The following RANBP2 variants were observed in gnomAD, a reference collection of about 807,000 sequenced individuals.
RANBP2 encodes E3 SUMO-protein ligase RanBP2.
Under a neutral mutation model 303.6 loss-of-function variants are expected in RANBP2, and 57 were observed. The ratio of observed to expected loss-of-function variants is 0.19; its 90% CI spans 0.15 to 0.23. The LOEUF (loss-of-function observed/expected upper bound fraction) is 0.23, where lower values mean the gene tolerates loss of function less well. Among genes scored for constraint, RANBP2 ranks in the 10% least tolerant of loss-of-function variants. The pLI is 1.00. For missense variants in RANBP2, 3,138 were observed against 3,780.8 expected (o/e 0.83, Z 4.46); for synonymous variants, 1,167 against 1,301.5 (o/e 0.90, Z 2.23).
At chr2:108,826,924 T>C in the RANBP2 span, among the ~76,000 whole-genome samples, 2 of 152,224 alleles carry the variant, frequency 1.3e-5, no homozygotes, top group Non-Finnish European at 1.5e-5. Flanking sequence ...TTCAGCTATA[T>C]TTTCTCGTTT....
the RANBP2 span, among the ~76,000 whole-genome samples, chr2:109,568,209 C>A: frequency 6.6e-6 from 1 of 151,984 alleles, no homozygotes; most frequent in Non-Finnish European, 1.5e-5. Context: ...ACTACAACAG[C>A]AGAGATGAGT....
At chr2:109,594,725 A>C in the RANBP2 span, 2 of 152,268 alleles carry the variant, frequency 1.3e-5, no homozygotes, top group African/African-American at 4.8e-5. Context: ...ACGCATGCGC[A>C]TGCACACACG....
At chr2:109,029,821 A>G in the RANBP2 span, among the ~76,000 whole-genome samples, 1 of 152,198 alleles carries the variant, frequency 6.6e-6, no homozygotes, top group African/African-American at 2.4e-5. Context: ...TTGCACAATG[A>G]AAGGCTGTTT....
At chr2:109,557,968 T>C in the RANBP2 span, among the ~76,000 whole-genome samples, 1 of 151,988 alleles carries the variant, frequency 6.6e-6, no homozygotes. Flanking sequence ...AATTTCTGTA[T>C]TCTTTGTAGA....
the RANBP2 span, among the ~76,000 whole-genome samples, chr2:109,629,586 G>C: frequency 6.6e-6 from 1 of 151,676 alleles, no homozygotes; most frequent in African/African-American, 2.4e-5. Flanking sequence ...GCTGAGGCAG[G>C]TGGATCACTA....
the RANBP2 span, among the ~76,000 whole-genome samples, chr2:109,342,415 A>G: frequency 6.6e-6 from 1 of 152,230 alleles, no homozygotes; most frequent in East Asian, 1.9e-4. Context: ...CGGAGCATCC[A>G]ACAGTGAGCA....
the RANBP2 span, among the ~76,000 whole-genome samples, chr2:109,498,998 G>T: frequency 6.6e-6 from 1 of 152,188 alleles, no homozygotes. Flanking sequence ...GGAATGCTGG[G>T]GCGTTTAGAC....
the RANBP2 span, among the ~76,000 whole-genome samples, chr2:109,103,707 C>T: frequency 6.6e-6 from 1 of 152,072 alleles, no homozygotes; most frequent in Non-Finnish European, 1.5e-5. Flanking sequence ...TTAAAAGGTG[C>T]TAGACTCTCA....
At chr2:109,201,009 G>A in the RANBP2 span, among the ~76,000 whole-genome samples, 1 of 152,176 alleles carries the variant, frequency 6.6e-6, no homozygotes, top group African/African-American at 2.4e-5. Context: ...AGCAGCAGCA[G>A]CTAAGTGGCT....
the RANBP2 span, among the ~76,000 whole-genome samples, chr2:109,238,849 G>A: frequency 6.6e-6 from 1 of 152,134 alleles, no homozygotes; most frequent in African/African-American, 2.4e-5. Context: ...CAGTGTGGGG[G>A]GCAGTCCCTT....
At chr2:109,008,551 T>G in the RANBP2 span, among the ~76,000 whole-genome samples, 4 of 148,846 alleles carry the variant, frequency 2.7e-5, no homozygotes, top group African/African-American at 5.0e-5. Flanking sequence ...AGTCAGAATG[T>G]GGTGCTAATG....
At chr2:109,074,195 G>T in the RANBP2 span, among the ~76,000 whole-genome samples, 1 of 150,294 alleles carries the variant, frequency 6.7e-6, no homozygotes, top group African/African-American at 2.4e-5. Context: ...AGTGAAACCT[G>T]GTCTCTACTA....
At chr2:109,447,164 A>AAAAAAAAAG in the RANBP2 span, among the ~76,000 whole-genome samples, 1 of 149,782 alleles carries the variant, frequency 6.7e-6, no homozygotes, top group Non-Finnish European at 1.5e-5. Flanking sequence ...AAAAAAAAAA[A>AAAAAAAAAG]AAAAGAAAAG....
chr2:108,749,701 CT>C (rs1573762452), intron 9 of RANBP2, among the ~76,000 whole-genome samples: 1 of 152,194 alleles, frequency 6.6e-6, no homozygotes, highest in East Asian at 1.9e-4. Flanking sequence ...AAGGGATTCT[CT>C]TGCCTCAGCC....
At chr2:109,336,778 A>G in the RANBP2 span, among the ~76,000 whole-genome samples, 2 of 152,230 alleles carry the variant, frequency 1.3e-5, no homozygotes, top group South Asian at 4.1e-4. Flanking sequence ...GTAACTAAAT[A>G]TCTGGAGTTA....
the RANBP2 span, among the ~76,000 whole-genome samples, chr2:109,172,587 T>C: frequency 9.2e-5 from 14 of 152,336 alleles, no homozygotes; most frequent in Admixed American, 7.2e-4. Flanking sequence ...GGGCTGCACC[T>C]GGCCACCCAG....
At chr2:109,763,696 G>A in the RANBP2 span, among the ~76,000 whole-genome samples, 11 of 150,640 alleles carry the variant, frequency 7.3e-5, no homozygotes, top group Non-Finnish European at 1.0e-4. Flanking sequence ...ACCATTGAAA[G>A]CTTCTTCCTT....
At chr2:109,292,196 A>G in the RANBP2 span, among the ~76,000 whole-genome samples, 1 of 152,246 alleles carries the variant, frequency 6.6e-6, no homozygotes, top group Non-Finnish European at 1.5e-5. Flanking sequence ...CTTTCTAATT[A>G]AAAGCATCAT....
chr2:109,741,447 G>A, the RANBP2 span, among the ~76,000 whole-genome samples: 2 of 150,128 alleles, frequency 1.3e-5, no homozygotes, highest in South Asian at 2.1e-4. Context: ...GGTCGGGCTC[G>A]GTGCCCCACG....
Sources: gnomAD v4.1 joint callset for allele counts (sites outside exome capture counted in the v4.1 genomes callset) on GRCh38, gnomAD v4.1.1 for gene constraint, MANE v1.5 for transcripts, NCBI Gene and HGNC (gene_info 2026-07-23, HGNC 2026-07-21) for gene names.